Variants in ATP7A observed in about 807,000 individuals in gnomAD.
The protein encoded by ATP7A is copper-transporting ATPase 1.
A neutral mutation model predicts 83.5 loss-of-function variants in ATP7A; 7 were observed. The ratio of observed to expected loss-of-function variants is 0.08; its 90% CI spans 0.05 to 0.16. The LOEUF is 0.16. Ranked by LOEUF, ATP7A falls within the 10% of genes least tolerant of loss-of-function variation. The probability of loss-of-function intolerance (pLI) is 1.00; values close to 1 mark genes in which losing one functional copy is unlikely to be tolerated. For missense variants in ATP7A, 940 were observed against 1,120.8 expected (o/e 0.84, Z 2.30); for synonymous variants, 354 against 395.2 (o/e 0.90, Z 1.24).
intron 3 of ATP7A, 22 bp downstream of exon 3, chrX:77,988,753 G>A: frequency 8.3e-7 from 1 of 1,210,266 alleles, no homozygotes; most frequent in Non-Finnish European, 1.1e-6. Context: ...GGTGTTGATT[G>A]TTTTGTAAGG....
chrX:77,945,740 A>G (rs2077376057), intron 1 of ATP7A, among the ~76,000 whole-genome samples: 1 of 111,932 alleles, frequency 8.9e-6, no homozygotes, highest in South Asian at 3.7e-4. Flanking sequence ...ATTAAGACCT[A>G]TATTAAGATT....
chrX:77,971,806 A>T, intron 2 of ATP7A, 45 bp downstream of exon 2: 4 of 1,188,842 alleles, frequency 3.4e-6, no homozygotes, highest in Non-Finnish European at 4.6e-6. Flanking sequence ...ATTGAAGAGA[A>T]TTCTACTAGA....
intron 12 of ATP7A, 128 bp from the exon 13 acceptor site, chrX:78,020,116 A>C (rs1557235572): frequency 2.4e-6 from 2 of 827,484 alleles, no homozygotes; most frequent in Non-Finnish European, 3.5e-6. Flanking sequence ...AAGGGAAAGC[A>C]ACTTTCACCT....
rs782491662 is a variant in ATP7A, at chrX:77,997,610, C to CT, written c.1337-856dup. On this transcript the variant is annotated intron_variant, in intron 4 of 22. Coordinates refer to ENST00000341514, the MANE Select transcript of ATP7A (RefSeq NM_000052.7). ...CTACAGGGGAGGAGAAAATCTTTGG[C>CT]TTTTTTTTTTTTCAGGTGCAGGGAT... 1.9e-3 allele frequency among the ~76,000 whole-genome samples: 188 copies of CT among 100,336 alleles called. 1 individual carries two copies. The South Asian group carries it at 0.02, about 11-fold the overall frequency. The allele number at this position is 100,336 out of a possible 115,157, so 87.1% of individuals were successfully genotyped here.
rs782201168 is a variant in ATP7A at position 77,978,436 on chromosome X, A to G, written c.120+6675A>G. 6.3e-5 allele frequency among the ~76,000 whole-genome samples: 7 copies of G among 111,638 alleles called. No individual in the cohort carries two copies. In the South Asian group the frequency reaches 2.6e-3, roughly 41 times the overall value. On this transcript the variant is annotated intron_variant, in intron 2 of 22. Coordinates refer to ENST00000341514, the MANE Select transcript of ATP7A (RefSeq NM_000052.7). ...GTAAAACTGGTAAATGAATGTTACC[A>G]GTTCAAAGAATATGTAAGATTAGTC...
intron 14 of ATP7A, 39 bp from the exon 15 acceptor site, chrX:78,029,211 T>C: frequency 8.5e-7 from 1 of 1,171,986 alleles, no homozygotes; most frequent in Non-Finnish European, 1.2e-6. Context: ...TTTGTACAGC[T>C]CTAAATCAAT....
chrX:77,950,742 G>A (rs782218535), intron 1 of ATP7A, among the ~76,000 whole-genome samples: 2 of 110,851 alleles, frequency 1.8e-5, no homozygotes, highest in African/African-American at 3.3e-5. Flanking sequence ...AAAAAATGTC[G>A]TCCAGGCGCA....
chrX:78,020,351 A>G lies in ATP7A; in HGVS notation c.2734A>G (p.Thr912Ala), dbSNP rs1250703588. The G allele has an allele frequency of 1.7e-6, 2 of 1,211,556 alleles. No homozygotes were observed. The highest frequency in any genetic ancestry group is 4.3e-5 in the Admixed American group (2 of 46,020). ...CGCAACACATGTTGGAGCAGACACA[A>G]CCCTTTCTCAAATTGTCAAACTTGT... ...ICATHVGADT[T>A]LSQIVKLVEE... The change falls in exon 13 of 23, where the codon ACC becomes GCC. Residue 912 changes from threonine to alanine, a missense_variant. Thr to Ala is a moderately conservative substitution (Grantham distance 58). Around this residue, in one of 3 missense-constraint regions of ATP7A, gnomAD observed 386 missense variants for 502.2 expected, o/e 0.77. Coordinates refer to ENST00000341514, the MANE Select transcript of ATP7A (RefSeq NM_000052.7).
chrX:77,987,275 C>G (rs1329670414), intron 2 of ATP7A, among the ~76,000 whole-genome samples: 1 of 111,747 alleles, frequency 8.9e-6, no homozygotes, highest in East Asian at 2.8e-4. Flanking sequence ...ATATAATTCA[C>G]TGCTGTTACG....
chrX:77,911,836 C>T (rs1557221961), intron 1 of ATP7A, among the ~76,000 whole-genome samples: 3 of 111,685 alleles, frequency 2.7e-5, no homozygotes, highest in African/African-American at 6.5e-5. Flanking sequence ...CCCAGCTAGT[C>T]GGGAGACTGA....
At chrX:77,941,335 G>A (rs375789199) in intron 1 of ATP7A, among the ~76,000 whole-genome samples, 9 of 111,750 alleles carry the variant, frequency 8.1e-5, no homozygotes, top group East Asian at 2.8e-4. Context: ...AAAATGGTAC[G>A]TTTATCTATC....
Position 77,989,769 on chromosome X carries a change from A to G in ATP7A, c.1147A>G (p.Ile383Val), listed in dbSNP as rs1557231872. The G allele has an allele frequency of 1.7e-6, 2 of 1,211,410 alleles. No individual in the cohort carries two copies. Among genetic ancestry groups the G allele is most frequent in the Admixed American group, 2.2e-5 (1 of 45,995 alleles). ...QPLTQETVIN[I>V]DGMTCNSCVQ... ...TCTGACACAAGAAACTGTGATAAAC[A>G]TTGATGGCATGACTTGTAATTCCTG... Residue 383 changes from isoleucine to valine, a missense_variant, in exon 4 of 23, where the codon ATT (isoleucine) becomes GTT (valine). Ile to Val is a conservative substitution (Grantham distance 29). Transcript: ENST00000341514.
intron 1 of ATP7A, among the ~76,000 whole-genome samples, chrX:77,944,805 G>GGTAT (rs781880907): frequency 5.0e-4 from 54 of 107,241 alleles, no homozygotes; most frequent in Admixed American, 9.1e-4. Flanking sequence ...TCCTCAGTAT[G>GGTAT]GTATGTATGT....
In ATP7A at chrX:78,029,243, T is replaced by C. The variant is rs376898023; in HGVS notation, c.2917-7T>C. 2 of 1,209,799 alleles carry C rather than the reference T, an allele frequency of 1.7e-6. No individual in the cohort carries two copies. The highest frequency in any genetic ancestry group is 5.9e-5 in the East Asian group (2 of 33,851). On this transcript the variant is annotated splice_region_variant and splice_polypyrimidine_tract_variant and intron_variant, in intron 14 of 22. Transcript: ENST00000341514. ...CAATAACCAAAATTTATGCCTTTCT[T>C]CTAAAGGGCTACAATAGAAGTATCT... is the stretch of plus-strand genomic sequence containing the variant.
At chrX:77,939,795 A>G (rs1486974559) in intron 1 of ATP7A, among the ~76,000 whole-genome samples, 2 of 109,982 alleles carry the variant, frequency 1.8e-5, no homozygotes, top group African/African-American at 3.3e-5. Flanking sequence ...ACCAACAATA[A>G]TCATCTAGAC....
intron 1 of ATP7A, among the ~76,000 whole-genome samples, chrX:77,934,540 G>T (rs1235982170): frequency 9.0e-6 from 1 of 111,610 alleles, no homozygotes; most frequent in Non-Finnish European, 1.9e-5. Context: ...ATGCACGCAG[G>T]TACATTGCAG....
chrX:77,936,382 A>C (rs1313282349), intron 1 of ATP7A, among the ~76,000 whole-genome samples: 1 of 112,264 alleles, frequency 8.9e-6, no homozygotes. Context: ...TTTGTTGCTC[A>C]CTTTCAAGTT....
intron 1 of ATP7A, chrX:77,965,553 A>T (rs781927154): frequency 1.7e-5 from 3 of 179,710 alleles, no homozygotes; most frequent in Non-Finnish European, 3.2e-5. Flanking sequence ...TATACTGCTC[A>T]TGGGAGTATA....
chrX:77,950,841 G>A (rs1300648519), intron 1 of ATP7A, among the ~76,000 whole-genome samples: 4 of 110,378 alleles, frequency 3.6e-5, no homozygotes, highest in Non-Finnish European at 5.7e-5. Flanking sequence ...GGCCAACATG[G>A]TGAAACCCTG....
Sources: gnomAD v4.1 joint callset for allele counts (sites outside exome capture counted in the v4.1 genomes callset) on GRCh38, gnomAD v4.1.1 for gene constraint, gnomAD v4.1.1 regional missense constraint, MANE v1.5 for transcripts, NCBI Gene and HGNC (gene_info 2026-07-23, HGNC 2026-07-21) for gene names.